Variants in FARP2 observed in about 807,000 individuals in gnomAD.
FARP2 encodes FERM, ARHGEF and pleckstrin domain-containing protein 2.
FARP2 carries 111 observed loss-of-function variants against 130.5 expected under a neutral mutation model. That is an observed-to-expected ratio of 0.85 (90% CI 0.73 to 1.00). The LOEUF is 1.00. FARP2 is among the 50% of genes least tolerant of loss of function. The pLI is 0.00. For synonymous variants in FARP2, 504 were observed against 516.9 expected (o/e 0.98, Z 0.34); for missense variants, 1,385 against 1,346.3 (o/e 1.03, Z -0.45).
intron 8 of FARP2, among the ~76,000 whole-genome samples, chr2:241,424,110 A>G (rs1232258931): frequency 6.6e-6 from 1 of 152,184 alleles, no homozygotes; most frequent in Non-Finnish European, 1.5e-5. Flanking sequence ...GGATAAAGTG[A>G]CCTTATAGAT....
chr2:241,363,430 G>A lies in FARP2; in HGVS notation c.-25+7042G>A, dbSNP rs116172913. On this transcript the variant is annotated intron_variant, in intron 1 of 26. Transcript: ENST00000264042. ...ATGGCTAAACGGAGTAATTAAAGCC[G>A]TAGGTTTCTGGTTGGAGTCTGAAAA... Among the ~76,000 whole-genome samples, 22 of 152,348 alleles carry A rather than the reference G, an allele frequency of 1.4e-4. No homozygotes were observed. In the South Asian group the frequency reaches 1.5e-3, roughly 10 times the overall value.
intron 13 of FARP2, chr2:241,442,090 G>T: frequency 5.2e-6 from 2 of 384,292 alleles, no homozygotes; most frequent in Non-Finnish European, 1.1e-5. Context: ...TGAGGTGAAG[G>T]CGCAGGCCAG....
intron 4 of FARP2, among the ~76,000 whole-genome samples, chr2:241,407,011 T>C (rs28436239): frequency 6.6e-6 from 1 of 151,812 alleles, no homozygotes; most frequent in Non-Finnish European, 1.5e-5. Context: ...GGTTTCACTG[T>C]GTTGGCCAGG....
chr2:241,489,837 A>G (rs746530212), intron 21 of FARP2, 125 bp from the exon 22 acceptor site: 1 of 650,606 alleles, frequency 1.5e-6, no homozygotes, highest in African/African-American at 1.8e-5. Flanking sequence ...GTCTGTGTGC[A>G]CTTGGACAGC....
intron 12 of FARP2, among the ~76,000 whole-genome samples, chr2:241,439,813 T>C (rs1162549428): frequency 2.0e-5 from 3 of 151,698 alleles, no homozygotes; most frequent in African/African-American, 7.3e-5. Context: ...ATACAAAAAT[T>C]AGTGAGGCAT....
At chr2:241,437,511 G>A (rs2063263004) in intron 12 of FARP2, among the ~76,000 whole-genome samples, 1 of 152,014 alleles carries the variant, frequency 6.6e-6, no homozygotes, top group African/African-American at 2.4e-5. Context: ...TCTTGCCCAG[G>A]CTGGAGTGCA....
intron 6 of FARP2, among the ~76,000 whole-genome samples, chr2:241,411,916 T>G (rs1033328287): frequency 6.6e-6 from 1 of 152,226 alleles, no homozygotes; most frequent in Non-Finnish European, 1.5e-5. Flanking sequence ...TGTTGATTAA[T>G]AAAAGTTTTC....
chr2:241,385,359 A>G (rs1037158577), intron 2 of FARP2, among the ~76,000 whole-genome samples: 1 of 152,136 alleles, frequency 6.6e-6, no homozygotes, highest in African/African-American at 2.4e-5. Flanking sequence ...TATGTTTTCT[A>G]CCTTAGAAAA....
intron 19 of FARP2, among the ~76,000 whole-genome samples, chr2:241,480,544 A>T (rs557279008): frequency 1.7e-3 from 258 of 150,620 alleles, no homozygotes; most frequent in Non-Finnish European, 3.1e-3. Flanking sequence ...TTTTTTTTTT[A>T]AATTTAAAGA....
intron 14 of FARP2, 82 bp downstream of exon 14, chr2:241,457,004 G>T: frequency 1.5e-6 from 2 of 1,309,760 alleles, no homozygotes; most frequent in Non-Finnish European, 2.1e-6. Flanking sequence ...GTGCTGGTGG[G>T]GACCCTGGGG....
chr2:241,420,163 A>G (rs1239168873), intron 8 of FARP2, among the ~76,000 whole-genome samples: 2 of 152,236 alleles, frequency 1.3e-5, no homozygotes, highest in Non-Finnish European at 2.9e-5. Flanking sequence ...AAATAAGTAC[A>G]TAAATAAAAG....
At chr2:241,415,275 G>C (rs888348493) in intron 7 of FARP2, among the ~76,000 whole-genome samples, 1 of 152,178 alleles carries the variant, frequency 6.6e-6, no homozygotes, top group African/African-American at 2.4e-5. Flanking sequence ...TATTCTAGCT[G>C]GTAGTGAGGA....
In FARP2 at chr2:241,483,852, G is replaced by C. The variant is rs138508475; in HGVS notation, c.2331+319G>C. On this transcript the variant is annotated intron_variant, in intron 20 of 26. Transcript: ENST00000264042. Reference sequence around the variant, plus strand: ...CATGTGGCTGCAAGAAGGTGCTACTGATGGCCCAATGGCCAGTCGGGACAG... The same window carrying C: ...CATGTGGCTGCAAGAAGGTGCTACTCATGGCCCAATGGCCAGTCGGGACAG... 3.5e-4 allele frequency: 340 copies of C among 985,464 alleles called. 1 individual carries two copies. In the Middle Eastern group the frequency reaches 8.9e-3, roughly 26 times the overall value. The allele number at this position is 985,464 out of a possible 1,614,324, so 61.0% of individuals were successfully genotyped here.
intron 17 of FARP2, chr2:241,465,648 C>T (rs2064149736): frequency 1.9e-6 from 3 of 1,550,818 alleles, no homozygotes; most frequent in South Asian, 1.2e-5. Flanking sequence ...CTTAACGTGC[C>T]TGGAACAGTT....
intron 7 of FARP2, 132 bp from the exon 8 acceptor site, chr2:241,417,830 G>A (rs1429758281): frequency 3.2e-6 from 3 of 951,334 alleles, no homozygotes; most frequent in Non-Finnish European, 4.8e-6. Flanking sequence ...GGTAAACACA[G>A]ACAGTGAACC....
intron 4 of FARP2, among the ~76,000 whole-genome samples, chr2:241,405,926 T>C (rs916807815): frequency 9.2e-5 from 14 of 151,620 alleles, no homozygotes; most frequent in Non-Finnish European, 1.6e-4. Context: ...AGATTGAGAC[T>C]GCATCTGAGA....
At chr2:241,463,079 A>G (rs1443378879) in intron 15 of FARP2, among the ~76,000 whole-genome samples, 1 of 152,236 alleles carries the variant, frequency 6.6e-6, no homozygotes, top group East Asian at 1.9e-4. Context: ...TCAGGTCAGA[A>G]CATTGGGTCC....
intron 8 of FARP2, among the ~76,000 whole-genome samples, chr2:241,419,525 G>A (rs11693454): frequency 0.19 from 28,943 of 152,182 alleles, 3,096 homozygotes; most frequent in Middle Eastern, 0.35. Context: ...ACAGTTGAAG[G>A]AATTTTTTAA....
At position 241,416,058 on chromosome 2, in the gene FARP2, G is replaced by C. The variant is rs568889665; in HGVS notation, c.624-1904G>C. Among the ~76,000 whole-genome samples the C allele has an allele frequency of 2.6e-5, 4 of 151,572 alleles. No individual in the cohort carries two copies. In the South Asian group the frequency reaches 8.4e-4, roughly 32 times the overall value. On this transcript the variant is annotated intron_variant, in intron 7 of 26. Coordinates refer to ENST00000264042, the MANE Select transcript of FARP2 (RefSeq NM_014808.4). ...GTCTGGGTGTGTTCTGTGTATACAT[G>C]TGTGGCTGTGTGGTCGTGTGTGCAT...
Sources: gnomAD v4.1 joint callset for allele counts (sites outside exome capture counted in the v4.1 genomes callset) on GRCh38, gnomAD v4.1.1 for gene constraint, MANE v1.5 for transcripts, NCBI Gene and HGNC (gene_info 2026-07-23, HGNC 2026-07-21) for gene names.